MAGI3: variants seen among roughly 807,000 people sequenced by gnomAD.
MAGI3 encodes the protein membrane associated guanylate kinase, WW and PDZ domain containing 3.
In MAGI3, 43 loss-of-function variants were observed where a neutral mutation model predicts 121.8. That is an observed-to-expected ratio of 0.35 (90% CI 0.28 to 0.46). The LOEUF is 0.46. Among genes scored for constraint, MAGI3 ranks in the 20% least tolerant of loss-of-function variants. The pLI, the probability that MAGI3 is intolerant of heterozygous loss-of-function variation, is 1.00. For missense variants in MAGI3, 1,547 were observed against 1,797.3 expected (o/e 0.86, Z 2.52); for synonymous variants, 553 against 639.3 (o/e 0.86, Z 2.04).
At chr1:113,585,322 A>T in intron 3 of MAGI3, 65 bp from the exon 4 acceptor site, 2 of 1,437,698 alleles carry the variant, frequency 1.4e-6, no homozygotes, top group Non-Finnish European at 1.9e-6. Context: ...GACATACACT[A>T]GGTCAAATTG....
In MAGI3 at chr1:113,526,899, G is replaced by C. The variant is rs78377871; in HGVS notation, c.317-22616G>C. Among the ~76,000 whole-genome samples, 475 of 152,262 alleles carry C rather than the reference G, an allele frequency of 3.1e-3. 1 individual carries two copies. Among genetic ancestry groups the C allele is most frequent in the African/African-American group, 0.011 (452 of 41,550 alleles). On this transcript the variant is annotated intron_variant, in intron 1 of 20. Transcript: ENST00000307546. ...AAGACTGTAGAGCCCAGACATCTGG[G>C]TTCAAGTCCTAAGTCTGTCACTTAG...
intron 15 of MAGI3, 47 bp from the exon 16 acceptor site, chr1:113,659,033 G>T (rs1051663406): frequency 1.8e-5 from 25 of 1,418,080 alleles, no homozygotes; most frequent in Non-Finnish European, 2.4e-5. Context: ...TCTAACACTA[G>T]CAGAAATCTT....
At chr1:113,586,825 C>G (rs1415996736) in intron 4 of MAGI3, among the ~76,000 whole-genome samples, 2 of 152,094 alleles carry the variant, frequency 1.3e-5, no homozygotes, top group African/African-American at 2.4e-5. Flanking sequence ...TAATACAGAG[C>G]CTTTAATTGA....
intron 1 of MAGI3, among the ~76,000 whole-genome samples, chr1:113,517,006 T>A (rs1657945422): frequency 6.6e-6 from 1 of 151,894 alleles, no homozygotes; most frequent in African/African-American, 2.4e-5. Context: ...CCTCAAAATT[T>A]TCAAGGTCAT....
At position 113,543,812 on chromosome 1, in the gene MAGI3, G is replaced by C. The variant is rs150501827; in HGVS notation, c.317-5703G>C. ...GAGCCCCCGAGGCGGAGGTTGCAGT[G>C]AGCCGAGATCGCACCTCTGCATTCC... On this transcript the variant is annotated intron_variant, in intron 1 of 20. Transcript: ENST00000307546. Among the ~76,000 whole-genome samples, 163 of 151,102 alleles carry C rather than the reference G, an allele frequency of 1.1e-3. 1 individual carries two copies. The highest frequency in any genetic ancestry group is 3.9e-3 in the African/African-American group (159 of 41,068).
chr1:113,503,844 G>C (rs1369182122), intron 1 of MAGI3, among the ~76,000 whole-genome samples: 1 of 151,990 alleles, frequency 6.6e-6, no homozygotes, highest in African/African-American at 2.4e-5. Flanking sequence ...GGAATGGTAA[G>C]GTCTAGAGAA....
rs554811478 is a variant in MAGI3, at chr1:113,518,356, G to A, written c.317-31159G>A. ...AATGAGATGTTTTTTATTTATATTA[G>A]CAGTGGCTTTCCATTGAATATTATG... On this transcript the variant is annotated intron_variant, in intron 1 of 20. Coordinates refer to ENST00000307546, the MANE Select transcript of MAGI3 (RefSeq NM_001142782.2). Among the ~76,000 whole-genome samples the A allele has an allele frequency of 5.3e-5, 8 of 152,136 alleles. No individual in the cohort carries two copies. The South Asian group carries it at 1.0e-3, about 20-fold the overall frequency.
intron 2 of MAGI3, among the ~76,000 whole-genome samples, chr1:113,565,218 T>C (rs1660395164): frequency 6.6e-6 from 1 of 152,196 alleles, no homozygotes; most frequent in Non-Finnish European, 1.5e-5. Flanking sequence ...TGTTTGGTGA[T>C]AAATATGCCA....
intron 1 of MAGI3, among the ~76,000 whole-genome samples, chr1:113,446,130 A>G (rs1654166043): frequency 6.6e-6 from 1 of 152,208 alleles, no homozygotes; most frequent in African/African-American, 2.4e-5. Flanking sequence ...TTGTAACTCC[A>G]CATTTTTTTT....
At chr1:113,655,887 A>C (rs1315582185) in intron 15 of MAGI3, among the ~76,000 whole-genome samples, 1 of 152,160 alleles carries the variant, frequency 6.6e-6, no homozygotes, top group Admixed American at 6.5e-5. Context: ...TGCTTGTTGT[A>C]ACTTCTGCTG....
intron 1 of MAGI3, among the ~76,000 whole-genome samples, chr1:113,540,136 G>T (rs887988902): frequency 6.6e-6 from 1 of 151,906 alleles, no homozygotes; most frequent in African/African-American, 2.4e-5. Context: ...TTAGTGAAAG[G>T]GTTTGTGTGT....
At chr1:113,606,454 A>G (rs1201204725) in intron 6 of MAGI3, among the ~76,000 whole-genome samples, 1 of 151,838 alleles carries the variant, frequency 6.6e-6, no homozygotes, top group African/African-American at 2.4e-5. Flanking sequence ...ACTGGCTTCC[A>G]TTCTTTTTCC....
intron 7 of MAGI3, 125 bp downstream of exon 7, chr1:113,614,783 A>G: frequency 1.6e-6 from 1 of 639,086 alleles, no homozygotes; most frequent in Non-Finnish European, 2.6e-6. Flanking sequence ...AACTAGGGGA[A>G]TGAAAAGGTA....
chr1:113,632,732 AATCTGATTT>A (rs1651711446), intron 9 of MAGI3, among the ~76,000 whole-genome samples: 1 of 152,170 alleles, frequency 6.6e-6, no homozygotes, highest in Non-Finnish European at 1.5e-5. Flanking sequence ...CACCTTTTGA[AATCTGATTT>A]ATACATCAAA....
intron 1 of MAGI3, among the ~76,000 whole-genome samples, chr1:113,471,230 A>C (rs917226055): frequency 5.3e-5 from 8 of 152,226 alleles, no homozygotes; most frequent in African/African-American, 1.9e-4. Context: ...TTAGGGCACA[A>C]AACAAGTTTT....
chr1:113,464,113 A>G (rs1655161585), intron 1 of MAGI3, among the ~76,000 whole-genome samples: 1 of 152,032 alleles, frequency 6.6e-6, no homozygotes, highest in Admixed American at 6.6e-5. Context: ...CTATCAAACC[A>G]TATATTTGTA....
At chr1:113,641,828 A>G in intron 9 of MAGI3, 83 bp from the exon 10 acceptor site, 1 of 1,314,082 alleles carries the variant, frequency 7.6e-7, no homozygotes, top group Non-Finnish European at 1.0e-6. Context: ...TAGTTGCTAA[A>G]TTGTAGTTAT....
chr1:113,413,659 T>C (rs1652130601), intron 1 of MAGI3, among the ~76,000 whole-genome samples: 1 of 152,190 alleles, frequency 6.6e-6, no homozygotes, highest in Admixed American at 6.5e-5. Flanking sequence ...AGGAGTTCAC[T>C]CATGATTTGG....
intron 1 of MAGI3, among the ~76,000 whole-genome samples, chr1:113,478,622 C>T (rs1344978387): frequency 1.3e-5 from 2 of 152,150 alleles, no homozygotes; most frequent in African/African-American, 2.4e-5. Flanking sequence ...CTGGAAGCTT[C>T]GTCCCAGAGG....
Sources: allele counts gnomAD v4.1 joint callset (sites outside exome capture counted in the v4.1 genomes callset), GRCh38; gene constraint gnomAD v4.1.1; transcripts MANE v1.5; gene names NCBI Gene and HGNC (gene_info 2026-07-23, HGNC 2026-07-21).